Variants in PASK observed in about 807,000 individuals in gnomAD.
PASK encodes PAS domain-containing serine/threonine-protein kinase.
Under a neutral mutation model 121.0 loss-of-function variants are expected in PASK, and 110 were observed. The observed-to-expected ratio is 0.91, with a 90% CI of 0.78 to 1.06. The LOEUF is 1.06. PASK is among the 50% of genes least tolerant of loss of function. The pLI, the probability that PASK is intolerant of heterozygous loss-of-function variation, is 0.00. For missense variants in PASK, 1,643 were observed against 1,702.3 expected (o/e 0.97, Z 0.61); for synonymous variants, 686 against 717.8 (o/e 0.96, Z 0.71).
intron 11 of PASK, among the ~76,000 whole-genome samples, chr2:241,123,723 C>T (rs558384784): frequency 6.6e-6 from 1 of 151,440 alleles, no homozygotes; most frequent in African/African-American, 2.4e-5. Flanking sequence ...GAGGCTGAGG[C>T]GGGCGAATCA....
chr2:241,119,175 A>G (rs974032644), intron 12 of PASK, among the ~76,000 whole-genome samples: 2 of 152,212 alleles, frequency 1.3e-5, no homozygotes, highest in Admixed American at 6.5e-5. Flanking sequence ...CACCCTGTTG[A>G]TACACATTGT....
At chr2:241,113,133 G>A (rs941896995) in intron 14 of PASK, among the ~76,000 whole-genome samples, 5 of 152,168 alleles carry the variant, frequency 3.3e-5, no homozygotes, top group African/African-American at 1.2e-4. Flanking sequence ...CAGCAACATC[G>A]GCCTTTCAGT....
At chr2:241,138,205 G>T (rs1012841521) in intron 5 of PASK, 118 bp from the exon 6 acceptor site, 24 of 1,007,938 alleles carry the variant, frequency 2.4e-5, no homozygotes, top group Non-Finnish European at 3.6e-5. Context: ...TCCATCGGAA[G>T]GGCAAGAGAC....
At chr2:241,115,454 G>T in intron 12 of PASK, 41 bp from the exon 13 acceptor site, 1 of 1,612,126 alleles carries the variant, frequency 6.2e-7, no homozygotes, top group African/African-American at 1.3e-5. Flanking sequence ...GCTGGAGCCA[G>T]TCCTCAAGCA....
intron 1 of PASK, among the ~76,000 whole-genome samples, chr2:241,143,529 C>A (rs1285692346): frequency 6.8e-6 from 1 of 146,308 alleles, no homozygotes; most frequent in African/African-American, 2.6e-5. Flanking sequence ...CCAGCCTGGG[C>A]GATAGAGAGA....
At chr2:241,106,805 TA>T in intron 17 of PASK, 82 bp from the exon 18 acceptor site, 2 of 1,406,754 alleles carry the variant, frequency 1.4e-6, no homozygotes, top group Non-Finnish European at 2.0e-6. Flanking sequence ...GAAGAAGTCC[TA>T]GAACAAAAGC....
chr2:241,149,677 T>A (rs1403107951), upstream of PASK: 2 of 1,547,856 alleles, frequency 1.3e-6, no homozygotes, highest in Non-Finnish European at 1.7e-6. Context: ...GCCGGGCAGA[T>A]GCGGTTTCCT....
At chr2:241,114,924 C>T (rs779877533) in intron 14 of PASK, 119 bp downstream of exon 14, 2 of 1,579,598 alleles carry the variant, frequency 1.3e-6, no homozygotes, top group Non-Finnish European at 1.7e-6. Context: ...GAAATCCCCA[C>T]ACAGAAGGCT....
intron 1 of PASK, among the ~76,000 whole-genome samples, chr2:241,144,605 C>T (rs758074): frequency 0.42 from 63,210 of 152,022 alleles, 13,422 homozygotes; most frequent in Middle Eastern, 0.56. Context: ...CACCCAGGTC[C>T]TCCCACACTG....
rs753323724 is a variant in PASK, at chr2:241,143,038, G to A, written c.-6C>T. The A allele has an allele frequency of 2.5e-6, 4 of 1,611,248 alleles. No homozygotes were observed. In the East Asian group the frequency reaches 6.7e-5, roughly 27 times the overall value. ...GTTAAGCCCCCGTCCTCCATGGGAA[G>A]AAGGGAGGCCAACTGCCAAGCTTCC... On this transcript the variant is annotated 5_prime_UTR_variant, in exon 2 of 18. Transcript: ENST00000234040.
intron 4 of PASK, chr2:241,139,538 T>A: frequency 1.9e-6 from 1 of 530,760 alleles, no homozygotes; most frequent in Non-Finnish European, 3.8e-6. Context: ...CAATAGACAA[T>A]AAAACCATAT....
chr2:241,113,907 A>G, intron 14 of PASK: 1 of 984,582 alleles, frequency 1.0e-6, no homozygotes, highest in African/African-American at 1.7e-5. Flanking sequence ...GTGCGATCAT[A>G]TACTTTATAA....
Position 241,108,062 on chromosome 2 carries a change from T to G in PASK, c.3667+105A>C. On this transcript the variant is annotated intron_variant, in intron 16 of 17. Transcript: ENST00000234040. This position sits in a 1 kb window ranked among gnomAD's most constrained non-coding sequence, Gnocchi z 5.2. ...TGAATAGAAAAGAAACAAATGAGACTGTTGATATGGACAGAGATACACTGA... is the reference window on the plus strand; with the variant it reads ...TGAATAGAAAAGAAACAAATGAGACGGTTGATATGGACAGAGATACACTGA... The G allele has an allele frequency of 9.7e-7, 1 of 1,034,804 alleles. No individual in the cohort carries two copies. The highest frequency in any genetic ancestry group is 1.3e-5 in the South Asian group (1 of 79,344). The allele number at this position is 1,034,804 out of a possible 1,614,324, so 64.1% of individuals were successfully genotyped here. A position where few individuals can be genotyped will look rare whatever the true frequency, so the allele number is the denominator to read the frequency against.
intron 17 of PASK, 98 bp from the exon 18 acceptor site, chr2:241,106,821 G>A (rs1231717245): frequency 3.3e-6 from 4 of 1,223,546 alleles, no homozygotes; most frequent in Admixed American, 1.7e-5. Context: ...AAAAGCCTAA[G>A]GTGAGGCCCT....
intron 10 of PASK, among the ~76,000 whole-genome samples, chr2:241,124,361 C>T (rs748532990): frequency 2.0e-4 from 30 of 152,208 alleles, no homozygotes; most frequent in Admixed American, 1.4e-3. Context: ...ACCCCTGGGG[C>T]ATAGCCTGCA....
chr2:241,140,156 TGACA>T (rs2066636065), intron 3 of PASK, 101 bp from the exon 4 acceptor site: 1 of 923,464 alleles, frequency 1.1e-6, no homozygotes. Flanking sequence ...AGCCTTTTCC[TGACA>T]GACAGGGTCT....
rs955994251 is a variant in PASK at position 241,148,882 on chromosome 2, C to A, written c.-43+532G>T. 3.7e-4 allele frequency among the ~76,000 whole-genome samples: 56 copies of A among 152,314 alleles called. 1 individual carries two copies. The highest frequency in any genetic ancestry group is 1.3e-3 in the African/African-American group (54 of 41,572). ...AAAGGCCTCAAGACGGCAGCGCAGG[C>A]CCCTGCCGTACTCTGGGAAAGAAAA... On this transcript the variant is annotated intron_variant, in intron 1 of 17. Coordinates refer to ENST00000234040, the MANE Select transcript of PASK (RefSeq NM_015148.4).
chr2:241,129,955 C>T (rs1183457934), intron 9 of PASK, among the ~76,000 whole-genome samples: 1 of 152,238 alleles, frequency 6.6e-6, no homozygotes, highest in Non-Finnish European at 1.5e-5. Context: ...TGTAACAATT[C>T]ACTCAGCTTC....
chr2:241,111,490 C>T (rs746838780), intron 15 of PASK, among the ~76,000 whole-genome samples: 3 of 152,212 alleles, frequency 2.0e-5, no homozygotes, highest in Non-Finnish European at 4.4e-5. Context: ...CTATTTCATA[C>T]ACATAGACAC....
Sources: gnomAD v4.1 joint callset for allele counts (sites outside exome capture counted in the v4.1 genomes callset) on GRCh38, gnomAD v4.1.1 for gene constraint, Gnocchi (gnomAD v3.1) non-coding constraint, MANE v1.5 for transcripts, NCBI Gene and HGNC (gene_info 2026-07-23, HGNC 2026-07-21) for gene names.